The following AFAP1L1 variants were observed in gnomAD, a reference collection of about 807,000 sequenced individuals.
AFAP1L1 encodes actin filament-associated protein 1-like 1.
In AFAP1L1, 77 loss-of-function variants were observed where a neutral mutation model predicts 99.8. That is an observed-to-expected ratio of 0.77 (90% CI 0.64 to 0.93). The LOEUF (loss-of-function observed/expected upper bound fraction) is 0.93, where lower values mean the gene tolerates loss of function less well. AFAP1L1 is among the 40% of genes least tolerant of loss of function. The pLI, the probability that AFAP1L1 is intolerant of heterozygous loss-of-function variation, is 0.00. For missense variants in AFAP1L1, 893 were observed against 996.8 expected (o/e 0.90, Z 1.40); for synonymous variants, 373 against 395.3 (o/e 0.94, Z 0.67).
At position 149,301,998 on chromosome 5, in the gene AFAP1L1, C is replaced by T. The variant is rs151330121; in HGVS notation, c.328-420C>T. Among the ~76,000 whole-genome samples, 413 of 152,376 alleles carry T rather than the reference C, an allele frequency of 2.7e-3. 4 individuals carry two copies. Among genetic ancestry groups the T allele is most frequent in the Middle Eastern group, 0.01 (3 of 294 alleles). On this transcript the variant is annotated intron_variant, in intron 4 of 18. Coordinates refer to ENST00000296721, the MANE Select transcript of AFAP1L1 (RefSeq NM_152406.4). ...AGAACTTAGCTGTAAAGCCACGGTT[C>T]CCCTGGCCCAGTGGCTCAGCACTCA...
intron 18 of AFAP1L1, 152 bp from the exon 19 acceptor site, chr5:149,339,855 A>G (rs1757512148): frequency 1.6e-6 from 1 of 634,846 alleles, no homozygotes; most frequent in Non-Finnish European, 2.7e-6. Context: ...GAAGTGACTT[A>G]CTCAGGGCCA....
At chr5:149,304,101 T>C (rs1756320931) in intron 5 of AFAP1L1, among the ~76,000 whole-genome samples, 4 of 152,242 alleles carry the variant, frequency 2.6e-5, no homozygotes, top group Admixed American at 2.6e-4. Context: ...TCTGGACATT[T>C]CACATAAATG....
intron 6 of AFAP1L1, 92 bp from the exon 7 acceptor site, chr5:149,307,310 C>G: frequency 1.5e-6 from 2 of 1,366,326 alleles, no homozygotes; most frequent in Non-Finnish European, 2.1e-6. Context: ...CCTTCCTAGC[C>G]TCAGTCCCCA....
chr5:149,284,225 C>T (rs352360), intron 1 of AFAP1L1, among the ~76,000 whole-genome samples: 68,052 of 152,106 alleles, frequency 0.45, 16,691 homozygotes, highest in East Asian at 0.79. Context: ...CAGTCGCTTA[C>T]TGGGTGTGTC....
At chr5:149,321,332 A>G (rs1038442800) in intron 14 of AFAP1L1, among the ~76,000 whole-genome samples, 1 of 152,228 alleles carries the variant, frequency 6.6e-6, no homozygotes, top group African/African-American at 2.4e-5. Flanking sequence ...AGTTTGAGTC[A>G]GACTCAGGGC....
At chr5:149,281,991 C>T (rs1755532959) in intron 1 of AFAP1L1, among the ~76,000 whole-genome samples, 1 of 152,192 alleles carries the variant, frequency 6.6e-6, no homozygotes, top group African/African-American at 2.4e-5. Flanking sequence ...TGGTATTCAG[C>T]ATTCATGAAG....
At chr5:149,300,199 A>T in intron 2 of AFAP1L1, 72 bp from the exon 3 acceptor site, 2 of 1,078,358 alleles carry the variant, frequency 1.9e-6, no homozygotes, top group Non-Finnish European at 2.7e-6. Flanking sequence ...TGTGGGCTAG[A>T]AGTATGAGTG....
intron 15 of AFAP1L1, among the ~76,000 whole-genome samples, chr5:149,327,954 C>A (rs935825362): frequency 6.6e-6 from 1 of 150,634 alleles, no homozygotes; most frequent in Non-Finnish European, 1.5e-5. Context: ...TCAGTGAAAT[C>A]CAAGTAAGAT....
intron 1 of AFAP1L1, among the ~76,000 whole-genome samples, chr5:149,279,403 A>G (rs932518990): frequency 2.6e-5 from 4 of 152,246 alleles, no homozygotes; most frequent in African/African-American, 7.2e-5. Flanking sequence ...CTCACGTAAA[A>G]TTCAAGAAGC....
intron 1 of AFAP1L1, among the ~76,000 whole-genome samples, chr5:149,293,850 G>A (rs1041512320): frequency 3.3e-5 from 5 of 152,170 alleles, no homozygotes; most frequent in African/African-American, 7.2e-5. Flanking sequence ...CATTTTGCCT[G>A]TCATAAAACC....
At chr5:149,274,353 A>C (rs576527497) in intron 1 of AFAP1L1, among the ~76,000 whole-genome samples, 3 of 152,210 alleles carry the variant, frequency 2.0e-5, no homozygotes, top group Non-Finnish European at 4.4e-5. Context: ...CTTTTTAAAA[A>C]TCAACATTGC....
intron 11 of AFAP1L1, 59 bp downstream of exon 11, chr5:149,316,362 G>A (rs1756798447): frequency 3.2e-6 from 5 of 1,572,738 alleles, no homozygotes; most frequent in South Asian, 2.3e-5. Context: ...GGCTTTGGGG[G>A]CTGAGGCCAG....
At chr5:149,316,022 A>G (rs1314505482) in intron 10 of AFAP1L1, 108 bp downstream of exon 10, 3 of 1,578,526 alleles carry the variant, frequency 1.9e-6, no homozygotes, top group Admixed American at 1.7e-5. Flanking sequence ...GACCTGGGTA[A>G]GGTGACCTGG....
chr5:149,310,121 G>C lies in AFAP1L1; in HGVS notation c.913G>C (p.Glu305Gln), dbSNP rs567317757. 3.1e-6 allele frequency: 5 copies of C among 1,603,428 alleles called. No individual in the cohort carries two copies. The South Asian group carries it at 5.6e-5, about 18-fold the overall frequency. The change falls in exon 8 of 19, where the codon GAG becomes CAG. Residue 305 changes from glutamate to glutamine, a missense_variant. By Grantham distance (29) the Glu-to-Gln change is conservative (BLOSUM62 2). Transcript: ENST00000296721. ...VLALQSREQAEEWLKVIREVS... is the reference protein window; with the variant it reads ...VLALQSREQAQEWLKVIREVS... Reference sequence around the variant, plus strand: ...GGCACTGCAGAGCCGAGAGCAGGCCGAGGAGTGGCTGAAGGTGCGTGGCCT... The same window carrying C: ...GGCACTGCAGAGCCGAGAGCAGGCCCAGGAGTGGCTGAAGGTGCGTGGCCT...
intron 1 of AFAP1L1, among the ~76,000 whole-genome samples, chr5:149,285,382 G>T (rs533786137): frequency 6.6e-6 from 1 of 152,272 alleles, no homozygotes; most frequent in East Asian, 1.9e-4. Flanking sequence ...TATGTACCTG[G>T]CATGATGCAT....
intron 1 of AFAP1L1, among the ~76,000 whole-genome samples, chr5:149,274,000 C>G (rs1755227030): frequency 6.6e-6 from 1 of 152,184 alleles, no homozygotes; most frequent in Admixed American, 6.5e-5. Flanking sequence ...CCAGAGCACT[C>G]TTCCTAGGAA....
chr5:149,287,060 G>A (rs911252504), intron 1 of AFAP1L1, among the ~76,000 whole-genome samples: 1 of 152,152 alleles, frequency 6.6e-6, no homozygotes, highest in African/African-American at 2.4e-5. Flanking sequence ...GCTGCAAAGA[G>A]CAAATGAGGT....
Position 149,284,233 on chromosome 5 carries a change from G to A in AFAP1L1, c.16+12249G>A, listed in dbSNP as rs560977882. On this transcript the variant is annotated intron_variant, in intron 1 of 18. Transcript: ENST00000296721. The stretch of plus-strand genomic sequence containing the variant: ...ATTCTCCCAGTCGCTTACTGGGTGT[G>A]TCCCAGTCCTTACAGGTTGTGCGGC... Among the ~76,000 whole-genome samples, 3 of 152,346 alleles carry A rather than the reference G, an allele frequency of 2.0e-5. No homozygotes were observed. In the East Asian group the frequency reaches 5.8e-4, roughly 29 times the overall value.
rs1757543361 is a variant in AFAP1L1 at position 149,340,871 on chromosome 5, A to T, written c.*841A>T. On this transcript the variant is annotated 3_prime_UTR_variant, in exon 19 of 19. Transcript: ENST00000296721. ...TGGAGCTATGGGTTAGAAATCCAGG[A>T]GGCAATATGTCTTTATTCTAATGAA... 2 of 149,284 alleles carry T rather than the reference A, an allele frequency of 1.3e-5. No homozygotes were observed. The highest frequency in any genetic ancestry group is 4.8e-5 in the African/African-American group (2 of 41,432). The allele number at this position is 149,284 out of a possible 1,614,324, so 9.2% of individuals were successfully genotyped here.
Sources: gnomAD v4.1 joint callset for allele counts (sites outside exome capture counted in the v4.1 genomes callset) on GRCh38, gnomAD v4.1.1 for gene constraint, MANE v1.5 for transcripts, NCBI Gene and HGNC (gene_info 2026-07-23, HGNC 2026-07-21) for gene names.